Variants in CENPK observed in about 807,000 individuals in gnomAD.
The protein encoded by CENPK is centromere protein K.
In CENPK, 46 loss-of-function variants were observed where a neutral mutation model predicts 40.9. The ratio of observed to expected loss-of-function variants is 1.13; its 90% CI spans 0.89 to 1.44. CENPK has a LOEUF of 1.44. Ranked by LOEUF, CENPK falls within the 40% of genes most tolerant of loss-of-function variation. The pLI, the probability that CENPK is intolerant of heterozygous loss-of-function variation, is 0.00. For synonymous variants in CENPK, 107 were observed against 104.4 expected, an observed-to-expected ratio of 1.02 and a Z score of -0.15; for missense variants, 288 against 303.5, an observed-to-expected ratio of 0.95 and a Z score of 0.38.
intron 9 of CENPK, among the ~76,000 whole-genome samples, chr5:65,522,506 G>C (rs1381823642): frequency 2.0e-5 from 3 of 152,068 alleles, no homozygotes; most frequent in Non-Finnish European, 2.9e-5. Context: ...ATAGCCCACT[G>C]CAGCCTCAAC....
At position 65,552,492 on chromosome 5, in the gene CENPK, C is replaced by A; in HGVS notation, c.168+1G>T. The A allele has an allele frequency of 6.5e-7, 1 of 1,534,028 alleles. No homozygotes were observed. ...TTTTTTAGGAAGAAAAAGATTCATA[C>A]CTGAGCATTTGAATCGGTGAGTGTT... On this transcript the variant is annotated splice_donor_variant, in intron 4 of 10. Transcript: ENST00000396679. LOFTEE classifies it high-confidence loss of function.
Position 65,528,534 on chromosome 5 carries a change from T to C in CENPK, c.515A>G (p.Tyr172Cys). 5 of 1,588,216 alleles carry C rather than the reference T, an allele frequency of 3.1e-6. No homozygotes were observed. Among genetic ancestry groups the C allele is most frequent in the Non-Finnish European group, 4.3e-6 (5 of 1,171,704 alleles). Residue 172 changes from tyrosine to cysteine, a missense_variant, in exon 9 of 11, where the codon TAT becomes TGT. Physicochemically the swap from Tyr to Cys is radical, Grantham distance 194. Coordinates refer to ENST00000396679, the MANE Select transcript of CENPK (RefSeq NM_022145.5). ...LKTKMLNIKEYKEKLLSTLGE... is the reference protein window; with the variant it reads ...LKTKMLNIKECKEKLLSTLGE... The stretch of plus-strand genomic sequence containing the variant: ...CAAGGTACTCAAGAGTTTCTCCTTA[T>C]ATTCTTTTATATTAAGCATTTTAGT...
chr5:65,542,802 CTCT>C lies in CENPK; in HGVS notation c.285_287del (p.Glu96del). 1 of 1,604,572 alleles carries C rather than the reference CTCT, an allele frequency of 6.2e-7. No individual in the cohort carries two copies. On this transcript the variant is annotated inframe_deletion and splice_region_variant, in exon 6 of 11. Transcript: ENST00000396679. ...ACTACAAATTCATTGAGTGGCTTAC[CTCT>C]TCTTTTCCTAATGTTATGAGAACGT...
the CENPK span, among the ~76,000 whole-genome samples, chr5:65,502,991 G>T: frequency 6.6e-6 from 1 of 151,490 alleles, no homozygotes; most frequent in Non-Finnish European, 1.5e-5. Flanking sequence ...TAGAGACAGG[G>T]TTTCACCACA....
chr5:65,503,763 T>C, the CENPK span, among the ~76,000 whole-genome samples: 1 of 151,434 alleles, frequency 6.6e-6, no homozygotes, highest in Non-Finnish European at 1.5e-5. Flanking sequence ...GTTCAAGCAA[T>C]TCTCTGCCTC....
intron 5 of CENPK, among the ~76,000 whole-genome samples, chr5:65,549,638 TTA>T (rs1749625477): frequency 6.6e-6 from 1 of 152,226 alleles, no homozygotes; most frequent in South Asian, 2.1e-4. Flanking sequence ...CCTTGCATTT[TTA>T]TGTTATGGAG....
intron 5 of CENPK, among the ~76,000 whole-genome samples, chr5:65,544,790 A>G (rs1748604158): frequency 6.6e-6 from 1 of 152,178 alleles, no homozygotes; most frequent in African/African-American, 2.4e-5. Flanking sequence ...AAAAACACAA[A>G]TACTATATGA....
chr5:65,505,516 CT>C, the CENPK span, among the ~76,000 whole-genome samples: 2 of 152,172 alleles, frequency 1.3e-5, no homozygotes, highest in African/African-American at 4.8e-5. Flanking sequence ...TGGTGCATAC[CT>C]GTAGTCCAAG....
chr5:65,496,283 T>C, the CENPK span, among the ~76,000 whole-genome samples: 2 of 132,280 alleles, frequency 1.5e-5, no homozygotes, highest in Admixed American at 7.4e-5. Context: ...AAAACACTTA[T>C]ACTCTTTGAC....
In CENPK at chr5:65,532,699, A is replaced by G. The variant is rs374592117; in HGVS notation, c.289-3500T>C. Among the ~76,000 whole-genome samples, 10 of 151,634 alleles carry G rather than the reference A, an allele frequency of 6.6e-5. No individual in the cohort carries two copies. The East Asian group carries it at 1.6e-3, about 24-fold the overall frequency. On this transcript the variant is annotated intron_variant, in intron 6 of 10. Coordinates refer to ENST00000396679, the MANE Select transcript of CENPK (RefSeq NM_022145.5). ...CTGAGGCGGGCAGATCACCTGAGGT[A>G]GGGAGTTTGAGACCAGCCTGACCAA... is the stretch of plus-strand genomic sequence containing the variant.
intron 10 of CENPK, 114 bp from the exon 11 acceptor site, chr5:65,518,747 T>G (rs1352966377): frequency 6.4e-6 from 4 of 629,376 alleles, no homozygotes; most frequent in Non-Finnish European, 1.1e-5. Flanking sequence ...AACTGTTTAA[T>G]ACTTTTAATC....
rs1248669783 is a variant in CENPK, at chr5:65,551,641, A to G, written c.169-5T>C. The G allele has an allele frequency of 1.3e-6, 2 of 1,517,778 alleles. No homozygotes were observed. Among genetic ancestry groups the G allele is most frequent in the Admixed American group, 3.8e-5 (2 of 52,858 alleles). The allele number at this position is 1,517,778 out of a possible 1,614,324, so 94.0% of individuals were successfully genotyped here. A position where few individuals can be genotyped will look rare whatever the true frequency, so the allele number is the denominator to read the frequency against. ...TTGCATAATTAACAATGATAGCTAC[A>G]AAAGAAGAAAACAAAGTCATTTTCT... On this transcript the variant is annotated splice_polypyrimidine_tract_variant and splice_region_variant and intron_variant, in intron 4 of 10. Transcript: ENST00000396679.
Position 65,543,206 on chromosome 5 carries a change from C to T in CENPK, c.242-358G>A, listed in dbSNP as rs564614772. Among the ~76,000 whole-genome samples the T allele has an allele frequency of 9.2e-5, 14 of 152,288 alleles. No individual in the cohort carries two copies. The South Asian group carries it at 2.7e-3, about 29-fold the overall frequency. Reference sequence around the variant, plus strand: ...CTTGAACTCCTGACCTCAAGTGATCCACCTGCCTTGACAATACACAACTTT... The same window carrying T: ...CTTGAACTCCTGACCTCAAGTGATCTACCTGCCTTGACAATACACAACTTT... On this transcript the variant is annotated intron_variant, in intron 5 of 10. Transcript: ENST00000396679.
At chr5:65,516,979 G>A (rs905626869), downstream of CENPK, among the ~76,000 whole-genome samples, 10 of 151,168 alleles carry the variant, frequency 6.6e-5, no homozygotes, top group African/African-American at 1.7e-4. Context: ...AGTTTTGCTC[G>A]TCACCCAGGC....
intron 8 of CENPK, 61 bp from the exon 9 acceptor site, chr5:65,528,639 C>A (rs1580926676): frequency 2.3e-5 from 33 of 1,408,772 alleles, no homozygotes; most frequent in Non-Finnish European, 3.0e-5. Flanking sequence ...ACACATGTAA[C>A]TAGTTATTCA....
chr5:65,524,515 C>CA (rs1744329519), intron 9 of CENPK: 2 of 150,646 alleles, frequency 1.3e-5, no homozygotes, highest in Non-Finnish European at 1.5e-5. Context: ...AAAACCCCCC[C>CA]ACACAAAAAA....
rs1186533991 is a variant in CENPK, at chr5:65,517,924, A to G, written c.*551T>C. On this transcript the variant is annotated 3_prime_UTR_variant, in exon 11 of 11. Transcript: ENST00000396679. ...TAATACAAACTAAAATATCAATTTTATGCTAGCTTTATCCATTAGTTTTTC... is the reference window on the plus strand; with the variant it reads ...TAATACAAACTAAAATATCAATTTTGTGCTAGCTTTATCCATTAGTTTTTC... 1 of 152,124 alleles carries G rather than the reference A, an allele frequency of 6.6e-6. No individual in the cohort carries two copies. Among genetic ancestry groups the G allele is most frequent in the Non-Finnish European group, 1.5e-5 (1 of 67,974 alleles). 9.4% of individuals were successfully genotyped at this position (152,124 alleles called of 1,614,324 possible). A position where few individuals can be genotyped will look rare whatever the true frequency, so the allele number is the denominator to read the frequency against.
chr5:65,530,441 C>T (rs12516164), intron 6 of CENPK, among the ~76,000 whole-genome samples: 115,323 of 152,170 alleles, frequency 0.76, 44,062 homozygotes, highest in East Asian at 0.89. Flanking sequence ...CATTATGTTA[C>T]TCTCTAGCAA....
At chr5:65,545,729 C>T (rs1006281339) in intron 5 of CENPK, among the ~76,000 whole-genome samples, 5 of 152,154 alleles carry the variant, frequency 3.3e-5, no homozygotes, top group African/African-American at 1.2e-4. Flanking sequence ...GAAATAAATT[C>T]TGCCAACAAC....
Sources: gnomAD v4.1 joint callset for allele counts (sites outside exome capture counted in the v4.1 genomes callset) on GRCh38, gnomAD v4.1.1 for gene constraint, MANE v1.5 for transcripts, NCBI Gene and HGNC (gene_info 2026-07-23, HGNC 2026-07-21) for gene names.